The following ARHGAP24 variants were observed in gnomAD, a reference collection of about 807,000 sequenced individuals.
ARHGAP24 encodes rho GTPase-activating protein 24.
ARHGAP24 carries 50 observed loss-of-function variants against 76.4 expected under a neutral mutation model. The observed-to-expected ratio is 0.65, with a 90% CI of 0.52 to 0.83. The LOEUF is 0.83. ARHGAP24 is among the 40% of genes least tolerant of loss of function. The pLI is 0.00. For synonymous variants in ARHGAP24, 345 were observed against 323.3 expected (o/e 1.07, Z -0.72); for missense variants, 930 against 914.2 (o/e 1.02, Z -0.22).
chr4:85,807,789 T>A, intron 3 of ARHGAP24, among the ~76,000 whole-genome samples: 1 of 152,154 alleles, frequency 6.6e-6, no homozygotes, highest in East Asian at 1.9e-4. Flanking sequence ...CTCCACATCC[T>A]GTAACCTCCC....
chr4:85,708,045 C>T lies in ARHGAP24; in HGVS notation c.181-13840C>T, dbSNP rs145264614. 1.5e-3 allele frequency among the ~76,000 whole-genome samples: 231 copies of T among 152,210 alleles called. 1 individual carries two copies. The highest frequency in any genetic ancestry group is 5.4e-3 in the African/African-American group (223 of 41,542). ...AGTTTTAGGTCAGAGGATTGCTGGT[C>T]TTCATTTCCTAATTTGCCAAAGAAA... On this transcript the variant is annotated intron_variant, in intron 2 of 9. Transcript: ENST00000395184.
At chr4:85,535,401 G>A (rs1042567508) in intron 1 of ARHGAP24, among the ~76,000 whole-genome samples, 2 of 152,160 alleles carry the variant, frequency 1.3e-5, no homozygotes, top group Non-Finnish European at 2.9e-5. Flanking sequence ...ATTTAAGAAT[G>A]TAGAAGTTGG....
intron 1 of ARHGAP24, among the ~76,000 whole-genome samples, chr4:85,482,900 T>C (rs1722871894): frequency 6.6e-6 from 1 of 151,950 alleles, no homozygotes; most frequent in African/African-American, 2.4e-5. Context: ...TTAAAGTATC[T>C]CACTCCAAGA....
At chr4:85,516,890 C>T (rs1432567353) in intron 1 of ARHGAP24, among the ~76,000 whole-genome samples, 3 of 152,014 alleles carry the variant, frequency 2.0e-5, no homozygotes, top group Non-Finnish European at 4.4e-5. Context: ...CCTGCTAATA[C>T]TTTTATGATT....
At chr4:85,702,162 TTC>T (rs1213828096) in intron 2 of ARHGAP24, among the ~76,000 whole-genome samples, 1 of 152,186 alleles carries the variant, frequency 6.6e-6, no homozygotes, top group Admixed American at 6.5e-5. Flanking sequence ...GTAATAAAGC[TTC>T]TCTCTTTATG....
chr4:85,931,604 G>A (rs184140594), intron 4 of ARHGAP24, among the ~76,000 whole-genome samples: 2 of 152,264 alleles, frequency 1.3e-5, no homozygotes. Context: ...ATATCACAAG[G>A]TGGCACTGGG....
At chr4:85,591,280 A>T (rs536143463) in intron 2 of ARHGAP24, among the ~76,000 whole-genome samples, 1 of 151,972 alleles carries the variant, frequency 6.6e-6, no homozygotes, top group East Asian at 1.9e-4. Context: ...TCTTGACCTC[A>T]GGTGATCCAC....
intron 3 of ARHGAP24, among the ~76,000 whole-genome samples, chr4:85,728,820 A>G (rs2110049958): frequency 6.6e-6 from 1 of 152,364 alleles, no homozygotes. Flanking sequence ...ATAAAAGTTT[A>G]CCATACATGT....
At chr4:85,656,439 A>G (rs1905083) in intron 2 of ARHGAP24, among the ~76,000 whole-genome samples, 58,706 of 151,944 alleles carry the variant, frequency 0.39, 12,700 homozygotes, top group East Asian at 0.84. Flanking sequence ...CAATTAGTGT[A>G]TCTTATATGA....
chr4:85,495,775 A>G (rs1723555878), intron 1 of ARHGAP24, among the ~76,000 whole-genome samples: 1 of 152,208 alleles, frequency 6.6e-6, no homozygotes. Flanking sequence ...AGGCGTTGAA[A>G]GCATTTTCTG....
At chr4:85,698,595 C>T (rs768488002) in intron 2 of ARHGAP24, among the ~76,000 whole-genome samples, 27 of 152,176 alleles carry the variant, frequency 1.8e-4, no homozygotes, top group Non-Finnish European at 3.5e-4. Flanking sequence ...AGCAAAATAT[C>T]ATAGACCAGG....
intron 2 of ARHGAP24, among the ~76,000 whole-genome samples, chr4:85,648,433 CAGAGATAAAA>C (rs1294958124): frequency 6.6e-6 from 1 of 151,952 alleles, no homozygotes; most frequent in Admixed American, 6.6e-5. Flanking sequence ...AAAAGATTTA[CAGAGATAAAA>C]AGAATTGTGG....
At chr4:85,985,869 A>T (rs1054304723) in intron 8 of ARHGAP24, among the ~76,000 whole-genome samples, 5 of 152,244 alleles carry the variant, frequency 3.3e-5, no homozygotes, top group African/African-American at 1.2e-4. Flanking sequence ...TGTTTGCAGC[A>T]TTAGCCTGAT....
At position 85,994,903 on chromosome 4, in the gene ARHGAP24, C is replaced by G. The variant is rs35521695; in HGVS notation, c.1249C>G (p.Pro417Ala). The stretch of plus-strand genomic sequence containing the variant: ...CAAGCTAGATGTGTCTAGAAGCCCC[C>G]CTCTCATGGTCAAAAAGAACCCAGC... ...VHKLDVSRSPPLMVKKNPAFN... is the reference protein window; with the variant it reads ...VHKLDVSRSPALMVKKNPAFN... Residue 417 changes from proline (P) to alanine (A), a missense_variant, in exon 9 of 10, where the codon CCT (proline) becomes GCT (alanine). Transcript: ENST00000395184. 25,023 of 1,614,032 alleles carry G rather than the reference C, an allele frequency of 0.016. 293 individuals are homozygous for G. Among genetic ancestry groups the G allele is most frequent in the Non-Finnish European group, 0.017 (20,151 of 1,180,022 alleles).
Position 85,838,471 on chromosome 4 carries a change from C to T in ARHGAP24, c.269-85177C>T, listed in dbSNP as rs574571563. ...GCAATTAGCCAGTCATGGTGGTGGG[C>T]GCCTGTAGTCCCAGCTACTTGGGAG... On this transcript the variant is annotated intron_variant, in intron 3 of 9. Coordinates refer to ENST00000395184, the MANE Select transcript of ARHGAP24 (RefSeq NM_001025616.3). 1.4e-4 allele frequency among the ~76,000 whole-genome samples: 21 copies of T among 152,158 alleles called. No homozygotes were observed. The South Asian group carries it at 3.3e-3, about 24-fold the overall frequency.
rs539839603 is a variant in ARHGAP24, at chr4:85,660,178, T to G, written c.181-61707T>G. On this transcript the variant is annotated intron_variant, in intron 2 of 9. Coordinates refer to ENST00000395184, the MANE Select transcript of ARHGAP24 (RefSeq NM_001025616.3). ...GTTATGACTGTCTCTTATTCCCTCC[T>G]TACCTATATTGAAGGAGCCAATCAG... is the stretch of plus-strand genomic sequence containing the variant. Among the ~76,000 whole-genome samples, 12 of 152,320 alleles carry G rather than the reference T, an allele frequency of 7.9e-5. No homozygotes were observed. In the South Asian group the frequency reaches 2.5e-3, roughly 32 times the overall value.
At chr4:85,608,280 T>A (rs1188954930) in intron 2 of ARHGAP24, among the ~76,000 whole-genome samples, 2 of 152,090 alleles carry the variant, frequency 1.3e-5, no homozygotes, top group African/African-American at 4.8e-5. Flanking sequence ...AATATGGAAT[T>A]TTTTTAAGGA....
At chr4:85,705,798 G>A (rs1054904768) in intron 2 of ARHGAP24, among the ~76,000 whole-genome samples, 4 of 152,128 alleles carry the variant, frequency 2.6e-5, no homozygotes, top group African/African-American at 9.7e-5. Context: ...CTCTTCTATG[G>A]CTTCTCATGT....
intron 3 of ARHGAP24, among the ~76,000 whole-genome samples, chr4:85,761,796 T>C (rs56989679): frequency 0.23 from 34,525 of 152,112 alleles, 4,294 homozygotes; most frequent in East Asian, 0.37. Context: ...GATGTCTTTT[T>C]ACCTCAGGTT....
Sources: allele counts gnomAD v4.1 joint callset (sites outside exome capture counted in the v4.1 genomes callset), GRCh38; gene constraint gnomAD v4.1.1; transcripts MANE v1.5; gene names NCBI Gene and HGNC (gene_info 2026-07-23, HGNC 2026-07-21).